STAU2: variants seen among roughly 807,000 people sequenced by gnomAD.
STAU2 encodes the protein double-stranded RNA-binding protein Staufen homolog 2.
STAU2 carries 20 observed loss-of-function variants against 65.9 expected under a neutral mutation model. The observed-to-expected ratio is 0.30, with a 90% CI of 0.21 to 0.44. The LOEUF is 0.44. STAU2 is among the 20% of genes least tolerant of loss of function. The pLI, the probability that STAU2 is intolerant of heterozygous loss-of-function variation, is 1.00. For synonymous variants in STAU2, 232 were observed against 233.9 expected (o/e 0.99, Z 0.07); for missense variants, 558 against 683.9 (o/e 0.82, Z 2.05).
intron 12 of STAU2, among the ~76,000 whole-genome samples, chr8:73,560,287 A>G (rs1808127301): frequency 6.6e-6 from 1 of 151,916 alleles, no homozygotes; most frequent in Non-Finnish European, 1.5e-5. Flanking sequence ...TCACCGTGTC[A>G]GCCAGGATGT....
chr8:73,632,306 G>C (rs1278903495), intron 6 of STAU2, among the ~76,000 whole-genome samples: 4 of 150,214 alleles, frequency 2.7e-5, no homozygotes, highest in African/African-American at 9.8e-5. Flanking sequence ...TTTGGAGAAA[G>C]CCTGCCACAT....
chr8:73,546,264 G>A (rs1055593115), intron 13 of STAU2, among the ~76,000 whole-genome samples: 2 of 151,216 alleles, frequency 1.3e-5, no homozygotes, highest in South Asian at 4.2e-4. Context: ...ACCATGCCCA[G>A]CCAAGGAGTC....
intron 6 of STAU2, among the ~76,000 whole-genome samples, chr8:73,626,587 C>A (rs1813659227): frequency 6.6e-6 from 1 of 152,140 alleles, no homozygotes; most frequent in African/African-American, 2.4e-5. Flanking sequence ...AAATAGGAGA[C>A]TGAACTGCTC....
chr8:73,589,243 A>G (rs1810598231), intron 11 of STAU2, among the ~76,000 whole-genome samples: 1 of 152,222 alleles, frequency 6.6e-6, no homozygotes, highest in Non-Finnish European at 1.5e-5. Context: ...TGAGAGAGAG[A>G]CATATGCTGA....
chr8:73,611,349 T>C (rs1812441128), intron 9 of STAU2, among the ~76,000 whole-genome samples: 1 of 152,116 alleles, frequency 6.6e-6, no homozygotes, highest in Non-Finnish European at 1.5e-5. Flanking sequence ...AAGTGTGATG[T>C]ATATGAGGAA....
At chr8:73,506,173 T>G (rs1371784356) in intron 13 of STAU2, among the ~76,000 whole-genome samples, 1 of 152,204 alleles carries the variant, frequency 6.6e-6, no homozygotes, top group Non-Finnish European at 1.5e-5. Context: ...CGTGTTCCAT[T>G]GTGAGTAGTT....
At chr8:73,583,252 T>G (rs1810124504) in intron 11 of STAU2, among the ~76,000 whole-genome samples, 1 of 151,866 alleles carries the variant, frequency 6.6e-6, no homozygotes, top group Non-Finnish European at 1.5e-5. Context: ...ATTCAAGGAT[T>G]CTCCTGCCTC....
chr8:73,479,777 T>TA (rs1289867913), intron 13 of STAU2, among the ~76,000 whole-genome samples: 1 of 150,460 alleles, frequency 6.6e-6, no homozygotes, highest in Admixed American at 6.6e-5. Context: ...CATTTTGAAA[T>TA]AAAACATCCT....
chr8:73,559,790 TTA>T (rs1346741508), intron 12 of STAU2, among the ~76,000 whole-genome samples: 1 of 152,130 alleles, frequency 6.6e-6, no homozygotes, highest in African/African-American at 2.4e-5. Flanking sequence ...ACCTCTTCTT[TTA>T]CACACAGCTC....
At chr8:73,695,375 C>T (rs984485552) in intron 4 of STAU2, among the ~76,000 whole-genome samples, 2 of 131,418 alleles carry the variant, frequency 1.5e-5, no homozygotes, top group Admixed American at 7.3e-5. Flanking sequence ...GAAAGGAACC[C>T]ACTGCCTTGA....
intron 6 of STAU2, among the ~76,000 whole-genome samples, chr8:73,636,918 A>G (rs1339070436): frequency 1.3e-5 from 2 of 152,080 alleles, no homozygotes; most frequent in Non-Finnish European, 2.9e-5. Flanking sequence ...AAGAGATCAA[A>G]GAAAATATGC....
At chr8:73,580,337 G>C (rs1392826588) in intron 12 of STAU2, among the ~76,000 whole-genome samples, 1 of 152,156 alleles carries the variant, frequency 6.6e-6, no homozygotes, top group African/African-American at 2.4e-5. Context: ...TTATAAATTA[G>C]TATGCATAAC....
chr8:73,680,431 C>G (rs954822936), intron 5 of STAU2, among the ~76,000 whole-genome samples: 2 of 152,138 alleles, frequency 1.3e-5, no homozygotes, highest in African/African-American at 2.4e-5. Flanking sequence ...GAGAGAACCA[C>G]ATCAAGGGAT....
At chr8:73,424,286 T>C (rs1816634336) in intron 13 of STAU2, among the ~76,000 whole-genome samples, 1 of 147,794 alleles carries the variant, frequency 6.8e-6, no homozygotes, top group Non-Finnish European at 1.5e-5. Context: ...CTGCAACCTC[T>C]GCCTCCTGGG....
chr8:73,617,423 A>G lies in STAU2; in HGVS notation c.439T>C (p.Tyr147His). The change falls in exon 7 of 15, where the codon TAT (tyrosine) becomes CAT (histidine). Residue 147 changes from tyrosine (Y) to histidine (H), a missense_variant. By Grantham distance (83) the Tyr-to-His change is moderately conservative. Around this residue, in one of 3 missense-constraint regions of STAU2, gnomAD observed 199 missense variants for 299.5 expected, o/e 0.66. Transcript: ENST00000524300. ...TTATTTCCTACAGTGAGCTGAACAT[A>G]AAAGATCTTAGGCACTGGGCAATGA... is the stretch of plus-strand genomic sequence containing the variant. Reference protein sequence around the residue: ...RYHCPVPKIFYVQLTVGNNEF... With the variant: ...RYHCPVPKIFHVQLTVGNNEF... The G allele has an allele frequency of 6.2e-7, 1 of 1,614,094 alleles. No individual in the cohort carries two copies. The highest frequency in any genetic ancestry group is 8.5e-7 in the Non-Finnish European group (1 of 1,180,004).
rs764978786 is a variant in STAU2, at chr8:73,739,736, G to A, written c.-84+20C>T. On this transcript the variant is annotated intron_variant, in intron 2 of 14. Transcript: ENST00000524300. ...TGGATATTGGTGAATTTGAGTTTTA[G>A]TCAAAGTTCTTCAGATTACCTTCTG... 4.6e-5 allele frequency: 69 copies of A among 1,487,930 alleles called. No homozygotes were observed. Among genetic ancestry groups the A allele is most frequent in the Non-Finnish European group, 5.9e-5 (67 of 1,126,978 alleles). 92.2% of individuals were successfully genotyped at this position (1,487,930 alleles called of 1,614,324 possible).
chr8:73,573,417 G>A (rs1809262002), intron 12 of STAU2, among the ~76,000 whole-genome samples: 1 of 152,158 alleles, frequency 6.6e-6, no homozygotes, highest in South Asian at 2.1e-4. Context: ...AAGTTCATAT[G>A]GAACCAAAAA....
chr8:73,731,057 T>A (rs928434671), intron 3 of STAU2, among the ~76,000 whole-genome samples: 3 of 152,234 alleles, frequency 2.0e-5, no homozygotes, highest in Non-Finnish European at 2.9e-5. Flanking sequence ...CAACATACTT[T>A]ACTCTGCATA....
chr8:73,530,956 G>T (rs1289179657), intron 13 of STAU2, among the ~76,000 whole-genome samples: 1 of 152,148 alleles, frequency 6.6e-6, no homozygotes, highest in South Asian at 2.1e-4. Context: ...ACATGGACAT[G>T]GTGTACATGG....
Sources: gnomAD v4.1 joint callset for allele counts (sites outside exome capture counted in the v4.1 genomes callset) on GRCh38, gnomAD v4.1.1 for gene constraint, gnomAD v4.1.1 regional missense constraint, MANE v1.5 for transcripts, NCBI Gene and HGNC (gene_info 2026-07-23, HGNC 2026-07-21) for gene names.